Variants in MEAK7 observed in about 807,000 individuals in gnomAD.
The protein encoded by MEAK7 is MTOR-associated protein MEAK7.
MEAK7 carries 68 observed loss-of-function variants against 40.5 expected under a neutral mutation model. That is an observed-to-expected ratio of 1.68 (90% CI 1.38 to 2.06). The LOEUF (loss-of-function observed/expected upper bound fraction) is 2.06. MEAK7 is among the 30% of genes most tolerant of loss of function. The probability of loss-of-function intolerance (pLI) is 0.00; values close to 1 mark genes in which losing one functional copy is unlikely to be tolerated. For missense variants in MEAK7, 918 were observed against 580.5 expected (o/e 1.58, Z -5.98); for synonymous variants, 338 against 231.9 (o/e 1.46, Z -4.16).
At chr16:84,500,154 T>C (rs972732710) in intron 1 of MEAK7, 6 of 152,190 alleles carry the variant, frequency 3.9e-5, no homozygotes, top group Admixed American at 3.3e-4. Context: ...TTCCACTCCT[T>C]TTTATGGCTG....
rs1191283927 is a variant in MEAK7 at position 84,495,869 on chromosome 16, C to A, written c.198G>T (p.Leu66=). 1 of 1,614,132 alleles carries A rather than the reference C, an allele frequency of 6.2e-7. No homozygotes were observed. The highest frequency in any genetic ancestry group is 1.7e-5 in the Admixed American group (1 of 60,012). The part of the protein sequence containing the change: ...EALPPEMVTR[L]YDGMRRVDLT... ...GGTCGACCCTCCGCATGCCATCATA[C>A]AGCCTGGTGACCATCTCTGGGGGAA... Residue 66 remains leucine (L), a synonymous_variant, in exon 3 of 8, where the codon CTG becomes CTT. Coordinates refer to ENST00000343629, the MANE Select transcript of MEAK7 (RefSeq NM_020947.4).
intron 1 of MEAK7, among the ~76,000 whole-genome samples, 188 bp downstream of exon 1, chr16:84,504,413 T>C (rs1307406823): frequency 1.4e-5 from 2 of 139,916 alleles, no homozygotes; most frequent in Non-Finnish European, 3.1e-5. Flanking sequence ...CCCGCCCCGC[T>C]GTCCCCACCC....
At chr16:84,501,101 A>G (rs1234696876) in intron 1 of MEAK7, among the ~76,000 whole-genome samples, 3 of 121,314 alleles carry the variant, frequency 2.5e-5, no homozygotes, top group Non-Finnish European at 5.2e-5. Flanking sequence ...CTCAAAAAAA[A>G]AAAGAAAAAA....
chr16:84,490,553 C>G (rs1415545493), intron 3 of MEAK7, among the ~76,000 whole-genome samples: 1 of 140,372 alleles, frequency 7.1e-6, no homozygotes, highest in East Asian at 2.4e-4. Context: ...TTTGAAATAC[C>G]AGTCATTTTT....
chr16:84,496,676 C>A (rs1260250994), intron 2 of MEAK7, among the ~76,000 whole-genome samples: 1 of 152,134 alleles, frequency 6.6e-6, no homozygotes, highest in Non-Finnish European at 1.5e-5. Flanking sequence ...GCTCCTGCAT[C>A]ACCAGGATGC....
chr16:84,499,101 G>T (rs960501165), intron 1 of MEAK7, among the ~76,000 whole-genome samples: 1 of 152,176 alleles, frequency 6.6e-6, no homozygotes, highest in South Asian at 2.1e-4. Flanking sequence ...GAGGCGCTGG[G>T]GTAGCGTTAA....
intron 5 of MEAK7, among the ~76,000 whole-genome samples, chr16:84,483,078 CTG>C (rs1434586324): frequency 6.6e-6 from 1 of 152,214 alleles, no homozygotes; most frequent in Non-Finnish European, 1.5e-5. Context: ...TCCGCAGAGA[CTG>C]AGGCCTCCAG....
chr16:84,503,711 G>A (rs1309331727), intron 1 of MEAK7, among the ~76,000 whole-genome samples: 2 of 152,172 alleles, frequency 1.3e-5, no homozygotes, highest in Non-Finnish European at 2.9e-5. Context: ...TAGAACAAGA[G>A]AAACTGCCCT....
Position 84,486,501 on chromosome 16 carries a change from C to T in MEAK7, c.958+130G>A, listed in dbSNP as rs185039933. 52 of 1,445,098 alleles carry T rather than the reference C, an allele frequency of 3.6e-5. No individual in the cohort carries two copies. In the East Asian group the frequency reaches 1.0e-3, roughly 29 times the overall value. The allele number at this position is 1,445,098 out of a possible 1,614,324, so 89.5% of individuals were successfully genotyped here. A position where few individuals can be genotyped will look rare whatever the true frequency, so the allele number is the denominator to read the frequency against. On this transcript the variant is annotated intron_variant, in intron 5 of 7. Transcript: ENST00000343629. ...GAGCAGCATCACATTTTCCTATCGC[C>T]CCGACTGCGTCTAGAGAAACACTTG...
chr16:84,482,450 A>C lies in MEAK7; in HGVS notation c.1077+142T>G, dbSNP rs575198810. 6.2e-5 allele frequency: 86 copies of C among 1,394,364 alleles called. No individual in the cohort carries two copies. In the East Asian group the frequency reaches 1.6e-3, roughly 27 times the overall value. The allele number at this position is 1,394,364 out of a possible 1,614,324, so 86.4% of individuals were successfully genotyped here. A position where few individuals can be genotyped will look rare whatever the true frequency, so the allele number is the denominator to read the frequency against. ...TCACTGCCCCCAGCACCGGCCCTGG[A>C]AACAGAAGGAACTGGACATGGCGTG... is the stretch of plus-strand genomic sequence containing the variant. On this transcript the variant is annotated intron_variant, in intron 6 of 7. Coordinates refer to ENST00000343629, the MANE Select transcript of MEAK7 (RefSeq NM_020947.4).
chr16:84,503,302 G>A (rs1914647513), intron 1 of MEAK7, among the ~76,000 whole-genome samples: 1 of 152,222 alleles, frequency 6.6e-6, no homozygotes, highest in Admixed American at 6.5e-5. Flanking sequence ...GGTTGGACGA[G>A]CTTGCCCTAG....
In MEAK7 at chr16:84,477,317, G is replaced by C. The variant is rs1194370247; in HGVS notation, c.*2596C>G. On this transcript the variant is annotated 3_prime_UTR_variant, in exon 8 of 8. Transcript: ENST00000343629. ...AGCAATTCTACTACCTCAGCCTCCT[G>C]AGTAGCTGAGATTACAGGCATGTGC... The C allele has an allele frequency of 6.6e-6, 1 of 152,216 alleles. No individual in the cohort carries two copies. The allele number at this position is 152,216 out of a possible 1,614,324, so 9.4% of individuals were successfully genotyped here.
At chr16:84,481,452 C>T (rs1912536788) in intron 6 of MEAK7, among the ~76,000 whole-genome samples, 1 of 152,240 alleles carries the variant, frequency 6.6e-6, no homozygotes, top group Non-Finnish European at 1.5e-5. Flanking sequence ...GTGAGGCTGG[C>T]ACCCTCACTC....
At position 84,482,548 on chromosome 16, in the gene MEAK7, G is replaced by A. The variant is rs1360102305; in HGVS notation, c.1077+44C>T. On this transcript the variant is annotated intron_variant, in intron 6 of 7. Transcript: ENST00000343629. ...GCCTCGGGGTTGACACCTTTGCTGG[G>A]GGACATCACCAAGGCAAGACCACCA... The A allele has an allele frequency of 1.9e-6, 3 of 1,613,534 alleles. No homozygotes were observed. The South Asian group carries it at 3.3e-5, about 18-fold the overall frequency.
chr16:84,479,588 C>T lies in MEAK7; in HGVS notation c.*325G>A, dbSNP rs980198609. On this transcript the variant is annotated 3_prime_UTR_variant, in exon 8 of 8. Coordinates refer to ENST00000343629, the MANE Select transcript of MEAK7 (RefSeq NM_020947.4). The stretch of plus-strand genomic sequence containing the variant: ...TAATGCCAGCGGGGGTCTGAAAGGT[C>T]TCAGCTGCTTAGGATTTCGTTGGTA... The T allele has an allele frequency of 4.7e-6, 1 of 212,230 alleles. No homozygotes were observed. The highest frequency in any genetic ancestry group is 1.0e-4 in the East Asian group (1 of 10,014). The allele number at this position is 212,230 out of a possible 1,614,324, so 13.1% of individuals were successfully genotyped here. A position where few individuals can be genotyped will look rare whatever the true frequency, so the allele number is the denominator to read the frequency against.
chr16:84,486,527 G>C (rs533442394), intron 5 of MEAK7, 104 bp downstream of exon 5: 5 of 1,479,272 alleles, frequency 3.4e-6, no homozygotes, highest in Non-Finnish European at 4.5e-6. Flanking sequence ...GAAACACTTG[G>C]AGAAGATGGG....
At chr16:84,501,500 C>G (rs1248626746) in intron 1 of MEAK7, among the ~76,000 whole-genome samples, 1 of 152,184 alleles carries the variant, frequency 6.6e-6, no homozygotes, top group African/African-American at 2.4e-5. Context: ...CAACCCCAGA[C>G]AGCCGGGAGA....
chr16:84,476,414 C>T lies in MEAK7; in HGVS notation c.*3499G>A, dbSNP rs147469792. ...CTGAAAACATGGCAAACAGGCACCC[C>T]GGTATATTGAGTATAAATTGAGCTC... On this transcript the variant is annotated 3_prime_UTR_variant, in exon 8 of 8. Transcript: ENST00000343629. 5.3e-5 allele frequency: 8 copies of T among 152,040 alleles called. No individual in the cohort carries two copies. Among genetic ancestry groups the T allele is most frequent in the African/African-American group, 1.2e-4 (5 of 41,452 alleles). 9.4% of individuals were successfully genotyped at this position (152,040 alleles called of 1,614,324 possible). A position where few individuals can be genotyped will look rare whatever the true frequency, so the allele number is the denominator to read the frequency against.
chr16:84,476,918 G>C lies in MEAK7; in HGVS notation c.*2995C>G, dbSNP rs1325489431. ...GTACACAATTTTTTTTAAACATAGG[G>C]TCTTGCTGTGTTGCCCAGGCTGGAG... On this transcript the variant is annotated 3_prime_UTR_variant, in exon 8 of 8. Transcript: ENST00000343629. The C allele has an allele frequency of 1.3e-5, 2 of 152,162 alleles. No homozygotes were observed. The highest frequency in any genetic ancestry group is 2.9e-5 in the Non-Finnish European group (2 of 68,072). The allele number at this position is 152,162 out of a possible 1,614,324, so 9.4% of individuals were successfully genotyped here.
Sources: allele counts gnomAD v4.1 joint callset (sites outside exome capture counted in the v4.1 genomes callset), GRCh38; gene constraint gnomAD v4.1.1; transcripts MANE v1.5; gene names NCBI Gene and HGNC (gene_info 2026-07-23, HGNC 2026-07-21).